SNRPD1: variants seen among roughly 807,000 people sequenced by gnomAD.
SNRPD1 encodes small nuclear ribonucleoprotein Sm D1.
SNRPD1 carries 1 observed loss-of-function variant against 14.4 expected under a neutral mutation model. That is an observed-to-expected ratio of 0.07 (90% CI 0.02 to 0.33). SNRPD1 has a LOEUF of 0.33. Among genes scored for constraint, SNRPD1 ranks in the 10% least tolerant of loss-of-function variants. SNRPD1 has a pLI of 1.00. For synonymous variants in SNRPD1, 42 were observed against 50.3 expected, an observed-to-expected ratio of 0.83 and a Z score of 0.70; for missense variants, 52 against 146.4, an observed-to-expected ratio of 0.36 and a Z score of 3.33.
chr18:21,632,041 A>G lies in SNRPD1; in HGVS notation c.*2903A>G, dbSNP rs2039088482. On this transcript the variant is annotated 3_prime_UTR_variant, in exon 4 of 4. Coordinates refer to ENST00000300413, the MANE Select transcript of SNRPD1 (RefSeq NM_006938.4). Reference sequence around the variant, plus strand: ...CTACTGGGGAGGCTAAGGCAAGAGGATCGCTATAGCCTGGGAATTTGAAGC... The same window carrying G: ...CTACTGGGGAGGCTAAGGCAAGAGGGTCGCTATAGCCTGGGAATTTGAAGC... 1 of 152,200 alleles carries G rather than the reference A, an allele frequency of 6.6e-6. No individual in the cohort carries two copies. The highest frequency in any genetic ancestry group is 2.4e-5 in the African/African-American group (1 of 41,450). The allele number at this position is 152,200 out of a possible 1,614,324, so 9.4% of individuals were successfully genotyped here. A position where few individuals can be genotyped will look rare whatever the true frequency, so the allele number is the denominator to read the frequency against.
intron 1 of SNRPD1, among the ~76,000 whole-genome samples, chr18:21,618,618 TGA>T (rs1568123865): frequency 5.9e-5 from 9 of 152,126 alleles, no homozygotes; most frequent in Non-Finnish European, 1.2e-4. Context: ...TAGTTATAAT[TGA>T]TTGTTAAATT....
chr18:21,622,144 CTTT>C (rs757318055), intron 1 of SNRPD1, among the ~76,000 whole-genome samples: 1 of 143,410 alleles, frequency 7.0e-6, no homozygotes. Context: ...TTCTTTATTT[CTTT>C]TTTTTTTTTT....
intron 1 of SNRPD1, among the ~76,000 whole-genome samples, chr18:21,618,120 C>G (rs1419160399): frequency 6.6e-6 from 1 of 151,960 alleles, no homozygotes; most frequent in Non-Finnish European, 1.5e-5. Flanking sequence ...ACAATATATT[C>G]TTAGTAAAAA....
chr18:21,614,968 C>A (rs1375635788), intron 1 of SNRPD1, among the ~76,000 whole-genome samples: 1 of 152,120 alleles, frequency 6.6e-6, no homozygotes, highest in African/African-American at 2.4e-5. Flanking sequence ...TGTTTTCCTT[C>A]TTTAAGGTAA....
Position 21,629,939 on chromosome 18 carries a change from T to C in SNRPD1, c.*801T>C, listed in dbSNP as rs1344889979. 6.6e-6 allele frequency: 1 copy of C among 152,222 alleles called. No homozygotes were observed. The highest frequency in any genetic ancestry group is 2.4e-5 in the African/African-American group (1 of 41,454). 9.4% of individuals were successfully genotyped at this position (152,222 alleles called of 1,614,324 possible). A position where few individuals can be genotyped will look rare whatever the true frequency, so the allele number is the denominator to read the frequency against. Reference sequence around the variant, plus strand: ...ATGGGATGGGGTCTAGAATTGATTCTCCTTTCCTGAGTTTTACTCCACGGA... The same window carrying C: ...ATGGGATGGGGTCTAGAATTGATTCCCCTTTCCTGAGTTTTACTCCACGGA... On this transcript the variant is annotated 3_prime_UTR_variant, in exon 4 of 4. Coordinates refer to ENST00000300413, the MANE Select transcript of SNRPD1 (RefSeq NM_006938.4).
At chr18:21,617,248 G>A (rs1239597884) in intron 1 of SNRPD1, among the ~76,000 whole-genome samples, 1 of 151,700 alleles carries the variant, frequency 6.6e-6, no homozygotes, top group Non-Finnish European at 1.5e-5. Flanking sequence ...CTGAGGTCAG[G>A]AGTTCGAGAC....
At chr18:21,622,929 ATTTT>A in intron 2 of SNRPD1, 128 bp downstream of exon 2, 2 of 411,558 alleles carry the variant, frequency 4.9e-6, no homozygotes, top group Non-Finnish European at 4.3e-6. Flanking sequence ...GAATTATGTA[ATTTT>A]TTTTTTTTTT....
chr18:21,629,028 G>T (rs1194553459), intron 3 of SNRPD1, 34 bp from the exon 4 acceptor site: 4 of 1,551,470 alleles, frequency 2.6e-6, no homozygotes, highest in African/African-American at 1.4e-5. Flanking sequence ...GTGCAGGAGA[G>T]AATTGAACTT....
At position 21,633,239 on chromosome 18, in the gene SNRPD1, C is replaced by G. The variant is rs918531721; in HGVS notation, c.*4101C>G. ...AAATGAAATATCAGTTTCTTTTAAT[C>G]TATCATAATTATGTGAGCATAACTT... On this transcript the variant is annotated 3_prime_UTR_variant, in exon 4 of 4. Coordinates refer to ENST00000300413, the MANE Select transcript of SNRPD1 (RefSeq NM_006938.4). The G allele has an allele frequency of 2.0e-5, 3 of 152,174 alleles. No homozygotes were observed. Among genetic ancestry groups the G allele is most frequent in the African/African-American group, 7.2e-5 (3 of 41,440 alleles). The allele number at this position is 152,174 out of a possible 1,614,324, so 9.4% of individuals were successfully genotyped here.
Position 21,625,316 on chromosome 18 carries a change from AT to A in SNRPD1, c.283+1394del, listed in dbSNP as rs144395165. 2.4e-3 allele frequency among the ~76,000 whole-genome samples: 258 copies of A among 109,042 alleles called. 2 individuals are homozygous for A. The highest frequency in any genetic ancestry group is 2.4e-3 in the Non-Finnish European group (145 of 60,942). The allele number at this position is 109,042 out of a possible 152,430, so 71.5% of individuals were successfully genotyped here. A position where few individuals can be genotyped will look rare whatever the true frequency, so the allele number is the denominator to read the frequency against. ...TCTATTTAAAATTTTGTTGAAAAAAATTTTTTTTTTTTTTTTTGAGATGGAG... is the reference window on the plus strand; with the variant it reads ...TCTATTTAAAATTTTGTTGAAAAAAATTTTTTTTTTTTTTTTGAGATGGAG... On this transcript the variant is annotated intron_variant, in intron 3 of 3. Transcript: ENST00000300413.
Position 21,632,160 on chromosome 18 carries a change from A to G in SNRPD1, c.*3022A>G, listed in dbSNP as rs2039089180. On this transcript the variant is annotated 3_prime_UTR_variant, in exon 4 of 4. Coordinates refer to ENST00000300413, the MANE Select transcript of SNRPD1 (RefSeq NM_006938.4). Reference sequence around the variant, plus strand: ...AATGAAAATGGCCACTTAGCATAAGAGATCTAAAATTACGTTTTGTCCTGG... The same window carrying G: ...AATGAAAATGGCCACTTAGCATAAGGGATCTAAAATTACGTTTTGTCCTGG... 6.6e-6 allele frequency: 1 copy of G among 152,040 alleles called. No individual in the cohort carries two copies. The highest frequency in any genetic ancestry group is 2.4e-5 in the African/African-American group (1 of 41,410). The allele number at this position is 152,040 out of a possible 1,614,324, so 9.4% of individuals were successfully genotyped here.
chr18:21,622,947 T>A (rs796211475), intron 2 of SNRPD1, 146 bp downstream of exon 2: 140 of 440,304 alleles, frequency 3.2e-4, no homozygotes, highest in African/African-American at 2.6e-3. Context: ...TTTTTTTTTT[T>A]AAACAGTTTT....
intron 1 of SNRPD1, among the ~76,000 whole-genome samples, chr18:21,615,708 G>A (rs527929635): frequency 2.0e-5 from 3 of 152,176 alleles, no homozygotes; most frequent in Admixed American, 6.5e-5. Context: ...TTACAACTAC[G>A]TTGAATATTC....
At chr18:21,614,369 G>C (rs2038942565) in intron 1 of SNRPD1, among the ~76,000 whole-genome samples, 2 of 152,214 alleles carry the variant, frequency 1.3e-5, no homozygotes, top group Middle Eastern at 3.4e-3. Flanking sequence ...GATTCCATTT[G>C]TTCCCTTTAA....
intron 1 of SNRPD1, among the ~76,000 whole-genome samples, chr18:21,618,368 A>G (rs371465188): frequency 6.6e-6 from 1 of 151,822 alleles, no homozygotes; most frequent in Admixed American, 6.6e-5. Context: ...AAACCTCTGT[A>G]TATCTTTATT....
intron 1 of SNRPD1, among the ~76,000 whole-genome samples, chr18:21,613,488 G>A (rs939837009): frequency 1.3e-5 from 2 of 152,144 alleles, no homozygotes; most frequent in Non-Finnish European, 2.9e-5. Context: ...GGTTAGTGGG[G>A]ATGACAGACA....
At chr18:21,623,099 T>G (rs886271048) in intron 2 of SNRPD1, among the ~76,000 whole-genome samples, 3 of 151,956 alleles carry the variant, frequency 2.0e-5, no homozygotes, top group Non-Finnish European at 4.4e-5. Flanking sequence ...GGTAAATTTT[T>G]TTTTTAGACG....
chr18:21,628,603 T>C (rs1479394968), intron 3 of SNRPD1, among the ~76,000 whole-genome samples: 2 of 152,160 alleles, frequency 1.3e-5, no homozygotes, highest in East Asian at 3.9e-4. Context: ...AATAAGATTG[T>C]GATTTGATGT....
rs549737485 is a variant in SNRPD1 at position 21,616,908 on chromosome 18, G to A, written c.14+4465G>A. 1.1e-4 allele frequency among the ~76,000 whole-genome samples: 16 copies of A among 150,358 alleles called. No individual in the cohort carries two copies. The South Asian group carries it at 3.0e-3, about 28-fold the overall frequency. ...TCACCACTTTGGCCAGGCTGGTCTC[G>A]ATCTCCTGACCTTGTGATCTGCCTG... On this transcript the variant is annotated intron_variant, in intron 1 of 3. Transcript: ENST00000300413.
Sources: gnomAD v4.1 joint callset for allele counts (sites outside exome capture counted in the v4.1 genomes callset) on GRCh38, gnomAD v4.1.1 for gene constraint, MANE v1.5 for transcripts, NCBI Gene and HGNC (gene_info 2026-07-23, HGNC 2026-07-21) for gene names.